Variants in SAP130 observed in about 807,000 individuals in gnomAD.
The protein encoded by SAP130 is histone deacetylase complex subunit SAP130.
Under a neutral mutation model 103.2 loss-of-function variants are expected in SAP130, and 16 were observed. The ratio of observed to expected loss-of-function variants is 0.16; its 90% confidence interval spans 0.10 to 0.24. The LOEUF (loss-of-function observed/expected upper bound fraction) is 0.24, where lower values mean the gene tolerates loss of function less well. Among genes scored for constraint, SAP130 ranks in the 10% least tolerant of loss-of-function variants. The probability of loss-of-function intolerance (pLI) is 1.00; values close to 1 mark genes in which losing one functional copy is unlikely to be tolerated. For missense variants in SAP130, 990 were observed against 1,359.7 expected (o/e 0.73, Z 4.28); for synonymous variants, 477 against 497.0 (o/e 0.96, Z 0.53).
intron 12 of SAP130, among the ~76,000 whole-genome samples, chr2:127,990,433 A>C (rs1040532100): frequency 2.6e-5 from 4 of 152,230 alleles, no homozygotes; most frequent in Admixed American, 1.3e-4. Context: ...TATCTGTGGA[A>C]AGAAAATAAA....
intron 1 of SAP130, among the ~76,000 whole-genome samples, chr2:128,027,629 GCCCGCCCGCCCGCCCGCGCTCC>G (rs947671762): frequency 1.6e-3 from 72 of 44,956 alleles, no homozygotes; most frequent in Admixed American, 4.4e-3. Context: ...CCGGCCGCCC[GCCCGCCCGCCCGCCCGCGCTCC>G]CCCGGCCGCT....
intron 12 of SAP130, among the ~76,000 whole-genome samples, chr2:127,991,026 G>C (rs372143328): frequency 2.0e-5 from 3 of 151,772 alleles, no homozygotes; most frequent in Admixed American, 1.3e-4. Context: ...CGAGGCAGGC[G>C]ATCATTTGAG....
Position 128,000,402 on chromosome 2 carries a change from G to T in SAP130, c.922C>A (p.Arg308Ser), listed in dbSNP as rs139785439. The T allele has an allele frequency of 1.9e-6, 3 of 1,614,122 alleles. No homozygotes were observed. Among genetic ancestry groups the T allele is most frequent in the Non-Finnish European group, 2.5e-6 (3 of 1,180,008 alleles). The change falls in exon 8 of 21, where the codon CGT (arginine) becomes AGT (serine). Residue 308 changes from arginine (R) to serine (S), a missense_variant. Physicochemically the swap from Arg to Ser is moderately radical, Grantham distance 110 (BLOSUM62 -1). Around this residue, in one of 6 missense-constraint regions of SAP130, gnomAD observed 336 missense variants for 520.1 expected, o/e 0.65. Coordinates refer to ENST00000643581, the MANE Select transcript of SAP130 (RefSeq NM_001330301.2). ...HPPSAAISIQ[R>S]PAQSRDVTTR... ...GTGACATCTCGTGACTGGGCAGGACGCTGAATACTGATTGCTGCAGATGGA... is the reference window on the plus strand; with the variant it reads ...GTGACATCTCGTGACTGGGCAGGACTCTGAATACTGATTGCTGCAGATGGA...
At position 127,942,235 on chromosome 2, in the gene SAP130, C is replaced by T; in HGVS notation, c.3016-71G>A. 3.5e-6 allele frequency: 5 copies of T among 1,444,238 alleles called. No homozygotes were observed. The highest frequency in any genetic ancestry group is 4.7e-6 in the Non-Finnish European group (5 of 1,063,188). The allele number at this position is 1,444,238 out of a possible 1,614,324, so 89.5% of individuals were successfully genotyped here. ...GTACAGCTTTTAAAAAACTGCTTGC[C>T]TTTGGGCAGAGGCCATGTTGAGGCT... On this transcript the variant is annotated intron_variant, in intron 20 of 20. Coordinates refer to ENST00000643581, the MANE Select transcript of SAP130 (RefSeq NM_001330301.2). This position sits in a 1 kb window ranked among gnomAD's most constrained non-coding sequence, Gnocchi z 4.8.
At chr2:127,947,697 T>C (rs72969606) in intron 18 of SAP130, among the ~76,000 whole-genome samples, 9,310 of 152,228 alleles carry the variant, frequency 0.061, 731 homozygotes, top group African/African-American at 0.18. Context: ...GTGACATTAA[T>C]ATAGCCACTC....
intron 15 of SAP130, among the ~76,000 whole-genome samples, chr2:127,975,330 A>T (rs571677773): frequency 6.6e-6 from 1 of 152,364 alleles, no homozygotes; most frequent in East Asian, 1.9e-4. Flanking sequence ...CCAAAAAGGG[A>T]TAAGGCCAGA....
intron 2 of SAP130, among the ~76,000 whole-genome samples, chr2:128,020,813 A>G (rs897776247): frequency 2.0e-5 from 3 of 152,018 alleles, no homozygotes; most frequent in African/African-American, 4.8e-5. Flanking sequence ...ATCATCCAAC[A>G]TGGTGAAACC....
Position 127,955,421 on chromosome 2 carries a change from AT to A in SAP130, c.2064-78del. ...ATCTACAACATCTCAGAGGATGAGT[AT>A]TTGTCCAATTATTTCTGTCCAGCAC... On this transcript the variant is annotated intron_variant, in intron 15 of 20. Transcript: ENST00000643581. This position sits in a 1 kb window ranked among gnomAD's most constrained non-coding sequence, Gnocchi z 4.9. 1.1e-6 allele frequency: 1 copy of A among 899,140 alleles called. No individual in the cohort carries two copies. Among genetic ancestry groups the A allele is most frequent in the Non-Finnish European group, 1.7e-6 (1 of 578,534 alleles). 55.7% of individuals were successfully genotyped at this position (899,140 alleles called of 1,614,324 possible).
In SAP130 at chr2:127,999,839, A is replaced by G. The variant is rs1683426200; in HGVS notation, c.1115T>C (p.Val372Ala). ...TIPSATTAGS[V>A]SHTQAPTSTI... is the part of the protein sequence containing the mutation. ...ACTTGTGGGAGCTTGCGTGTGTGAC[A>G]CAGATCCTGAAATAGGGGAAAAAAG... Residue 372 changes from valine (V) to alanine (A), a missense_variant, in exon 10 of 21, where the codon GTG becomes GCG. Around this residue, in one of 6 missense-constraint regions of SAP130, gnomAD observed 336 missense variants for 520.1 expected, o/e 0.65. Transcript: ENST00000643581. 6.5e-7 allele frequency: 1 copy of G among 1,531,982 alleles called. No homozygotes were observed. The highest frequency in any genetic ancestry group is 2.2e-5 in the Admixed American group (1 of 45,742). 94.9% of individuals were successfully genotyped at this position (1,531,982 alleles called of 1,614,324 possible).
intron 15 of SAP130, among the ~76,000 whole-genome samples, chr2:127,965,776 C>T (rs960889001): frequency 1.3e-5 from 2 of 151,418 alleles, no homozygotes; most frequent in Non-Finnish European, 2.9e-5. Context: ...GGCGACAGAG[C>T]GAGACTGTCT....
intron 16 of SAP130, among the ~76,000 whole-genome samples, chr2:127,954,582 A>G (rs945988474): frequency 1.3e-5 from 2 of 152,224 alleles, no homozygotes; most frequent in African/African-American, 4.8e-5. Context: ...TCAGCAACAC[A>G]AATCTTACTT....
At chr2:127,959,693 T>C (rs900605294) in intron 15 of SAP130, among the ~76,000 whole-genome samples, 2 of 152,080 alleles carry the variant, frequency 1.3e-5, no homozygotes, top group Admixed American at 1.3e-4. Context: ...AAATCACAAC[T>C]TGAGTAAGAC....
chr2:127,959,865 G>T (rs1012761742), intron 15 of SAP130, among the ~76,000 whole-genome samples: 14 of 152,096 alleles, frequency 9.2e-5, no homozygotes, highest in African/African-American at 2.4e-5. Flanking sequence ...GAACCAAATA[G>T]AAATTAAAGA....
At chr2:127,988,516 A>G (rs1031914244) in intron 13 of SAP130, among the ~76,000 whole-genome samples, 2 of 152,014 alleles carry the variant, frequency 1.3e-5, no homozygotes, top group Non-Finnish European at 2.9e-5. Flanking sequence ...ATGGCTAATC[A>G]ATAATAATCC....
intron 6 of SAP130, among the ~76,000 whole-genome samples, chr2:128,012,210 C>T (rs1172996641): frequency 2.0e-5 from 3 of 152,180 alleles, no homozygotes; most frequent in Non-Finnish European, 4.4e-5. Context: ...TAGCTCACGC[C>T]TGTAATCCTA....
At chr2:127,951,307 C>T (rs1573631444) in intron 16 of SAP130, among the ~76,000 whole-genome samples, 1 of 152,192 alleles carries the variant, frequency 6.6e-6, no homozygotes, top group African/African-American at 2.4e-5. Flanking sequence ...CTCACCTTAA[C>T]TCTTATTTTC....
intron 2 of SAP130, among the ~76,000 whole-genome samples, chr2:128,025,003 C>CAA (rs35797540): frequency 0.24 from 23,999 of 99,826 alleles, 4,225 homozygotes; most frequent in African/African-American, 0.41. Flanking sequence ...CCCTATTGCG[C>CAA]AAAAAAAAAA....
chr2:127,995,109 T>C (rs1439929793), intron 11 of SAP130, among the ~76,000 whole-genome samples: 1 of 152,134 alleles, frequency 6.6e-6, no homozygotes, highest in Non-Finnish European at 1.5e-5. Flanking sequence ...AGCGATGGGG[T>C]TGAACTAGAG....
chr2:127,979,284 C>A (rs895152164), intron 14 of SAP130, among the ~76,000 whole-genome samples: 4 of 152,104 alleles, frequency 2.6e-5, no homozygotes, highest in African/African-American at 4.8e-5. Flanking sequence ...TGAGAACCTC[C>A]GGGGGAACTG....
Sources: allele counts gnomAD v4.1 joint callset (sites outside exome capture counted in the v4.1 genomes callset), GRCh38; gene constraint gnomAD v4.1.1; regional missense constraint gnomAD v4.1.1; non-coding constraint Gnocchi (gnomAD v3.1); transcripts MANE v1.5; gene names NCBI Gene and HGNC (gene_info 2026-07-23, HGNC 2026-07-21).